GPBP1: variants seen among roughly 807,000 people sequenced by gnomAD.
The protein encoded by GPBP1 is GC-rich promoter binding protein 1.
GPBP1 carries 13 observed loss-of-function variants against 56.5 expected under a neutral mutation model. That is an observed-to-expected ratio of 0.23 (90% CI 0.15 to 0.37). GPBP1 has a LOEUF of 0.37. Among genes scored for constraint, GPBP1 ranks in the 10% least tolerant of loss-of-function variants. The probability of loss-of-function intolerance (pLI) is 1.00; values close to 1 mark genes in which losing one functional copy is unlikely to be tolerated. For synonymous variants in GPBP1, 204 were observed against 188.9 expected, an observed-to-expected ratio of 1.08 and a Z score of -0.66; for missense variants, 477 against 572.3, an observed-to-expected ratio of 0.83 and a Z score of 1.70.
At chr5:57,254,084 C>T (rs1483347186) in intron 10 of GPBP1, among the ~76,000 whole-genome samples, 1 of 152,134 alleles carries the variant, frequency 6.6e-6, no homozygotes, top group Admixed American at 6.5e-5. Context: ...TACCACCATG[C>T]CTGGCTAACT....
chr5:57,189,408 C>A (rs555259898), intron 2 of GPBP1, among the ~76,000 whole-genome samples: 1 of 152,236 alleles, frequency 6.6e-6, no homozygotes, highest in Non-Finnish European at 1.5e-5. Flanking sequence ...CGTGAGCCAC[C>A]ATGCCCAGCC....
At chr5:57,258,535 C>T (rs1310027785) in intron 10 of GPBP1, among the ~76,000 whole-genome samples, 1 of 152,188 alleles carries the variant, frequency 6.6e-6, no homozygotes, top group Admixed American at 6.5e-5. Context: ...AATGGTATTA[C>T]AGTCTCATGG....
intron 11 of GPBP1, among the ~76,000 whole-genome samples, chr5:57,261,768 G>C (rs80019876): frequency 0.027 from 4,101 of 152,240 alleles, 120 homozygotes; most frequent in East Asian, 0.13. Flanking sequence ...TCTTGCACAA[G>C]AGTATTTCAT....
chr5:57,208,103 G>A lies in GPBP1; in HGVS notation c.-57-5971G>A, dbSNP rs1206884411. Among the ~76,000 whole-genome samples the A allele has an allele frequency of 2.0e-5, 3 of 152,112 alleles. No individual in the cohort carries two copies. In the East Asian group the frequency reaches 5.8e-4, roughly 29 times the overall value. On this transcript the variant is annotated intron_variant, in intron 2 of 11. Coordinates refer to ENST00000506184, the MANE Select transcript of GPBP1 (RefSeq NM_022913.4). ...GATCCGTGGGCACAGAACCGGGGATGGAGCCCTCGCGAGGGACCATGCCCT... is the reference window on the plus strand; with the variant it reads ...GATCCGTGGGCACAGAACCGGGGATAGAGCCCTCGCGAGGGACCATGCCCT...
chr5:57,232,218 C>A (rs1756492034), intron 5 of GPBP1, among the ~76,000 whole-genome samples: 1 of 152,076 alleles, frequency 6.6e-6, no homozygotes, highest in African/African-American at 2.4e-5. Context: ...GAACTTCTGG[C>A]CTCAAGCAAT....
At chr5:57,241,139 T>C (rs1157823362) in intron 6 of GPBP1, among the ~76,000 whole-genome samples, 3 of 152,196 alleles carry the variant, frequency 2.0e-5, no homozygotes, top group Admixed American at 2.0e-4. Flanking sequence ...GGCCAAAGAA[T>C]GAAGTAGTTA....
chr5:57,250,848 T>G, intron 9 of GPBP1, 106 bp from the exon 10 acceptor site: 5 of 778,958 alleles, frequency 6.4e-6, no homozygotes, highest in Non-Finnish European at 7.9e-6. Flanking sequence ...CCTGGCCGCA[T>G]TTATGTATTT....
At chr5:57,233,157 T>A (rs777717141) in intron 5 of GPBP1, among the ~76,000 whole-genome samples, 5 of 152,152 alleles carry the variant, frequency 3.3e-5, no homozygotes, top group Non-Finnish European at 7.3e-5. Flanking sequence ...TGGCTTGAAC[T>A]GGGTAGTTGA....
At chr5:57,246,572 G>A in intron 7 of GPBP1, 88 bp downstream of exon 7, 1 of 1,087,650 alleles carries the variant, frequency 9.2e-7, no homozygotes, top group Non-Finnish European at 1.3e-6. Flanking sequence ...TTTAAAGTGT[G>A]TATGGAGGTA....
chr5:57,208,852 A>G (rs1371131662), intron 2 of GPBP1, among the ~76,000 whole-genome samples: 1 of 151,628 alleles, frequency 6.6e-6, no homozygotes, highest in African/African-American at 2.4e-5. Context: ...ATGGGGTTTC[A>G]CCATGTTGGC....
chr5:57,251,540 G>T (rs1209449506), intron 10 of GPBP1, among the ~76,000 whole-genome samples: 1 of 142,348 alleles, frequency 7.0e-6, no homozygotes, highest in African/African-American at 2.6e-5. Flanking sequence ...CTGCTTTTTT[G>T]TTCATCAGTT....
intron 10 of GPBP1, among the ~76,000 whole-genome samples, chr5:57,251,611 A>G (rs187747692): frequency 8.0e-5 from 12 of 149,578 alleles, no homozygotes; most frequent in Admixed American, 1.3e-4. Flanking sequence ...CTCTAGTCCA[A>G]TCTACTTTTT....
At chr5:57,197,666 A>G (rs993805339) in intron 2 of GPBP1, among the ~76,000 whole-genome samples, 4 of 144,200 alleles carry the variant, frequency 2.8e-5, no homozygotes, top group East Asian at 2.1e-4. Context: ...GCCTGCTTCA[A>G]TTTTTTTTGC....
At chr5:57,202,461 G>A (rs1178807748) in intron 2 of GPBP1, among the ~76,000 whole-genome samples, 1 of 151,212 alleles carries the variant, frequency 6.6e-6, no homozygotes, top group African/African-American at 2.4e-5. Context: ...GCTAATTTTT[G>A]TATTTTTAGT....
intron 2 of GPBP1, among the ~76,000 whole-genome samples, chr5:57,182,758 A>G (rs1754113025): frequency 6.6e-6 from 1 of 151,744 alleles, no homozygotes; most frequent in African/African-American, 2.4e-5. Flanking sequence ...GTCACGGCTC[A>G]CTGCCATCTC....
intron 6 of GPBP1, among the ~76,000 whole-genome samples, chr5:57,243,290 C>T (rs1213626509): frequency 6.6e-6 from 1 of 152,134 alleles, no homozygotes; most frequent in Non-Finnish European, 1.5e-5. Context: ...TGGTCTTGAA[C>T]TCCTGACCTC....
At position 57,201,141 on chromosome 5, in the gene GPBP1, A is replaced by G. The variant is rs147224625; in HGVS notation, c.-57-12933A>G. Among the ~76,000 whole-genome samples the G allele has an allele frequency of 5.1e-4, 78 of 152,240 alleles. 1 individual carries two copies. The East Asian group carries it at 0.012, about 23-fold the overall frequency. The stretch of plus-strand genomic sequence containing the variant: ...GCTCGGCCATGAGCCTTGTTTTTTA[A>G]AAAGTTAAATTCTGTATCGTATGAG... On this transcript the variant is annotated intron_variant, in intron 2 of 11. Coordinates refer to ENST00000506184, the MANE Select transcript of GPBP1 (RefSeq NM_022913.4).
chr5:57,210,242 T>G (rs1283817878), intron 2 of GPBP1, among the ~76,000 whole-genome samples: 1 of 152,196 alleles, frequency 6.6e-6, no homozygotes, highest in African/African-American at 2.4e-5. Context: ...TACACTTAGG[T>G]TTTATTTTTT....
At chr5:57,240,404 A>G (rs1447232828) in intron 6 of GPBP1, among the ~76,000 whole-genome samples, 2 of 152,214 alleles carry the variant, frequency 1.3e-5, no homozygotes, top group Non-Finnish European at 2.9e-5. Flanking sequence ...TCTTGACGTC[A>G]CTTGGTATAG....
Sources: gnomAD v4.1 joint callset for allele counts (sites outside exome capture counted in the v4.1 genomes callset) on GRCh38, gnomAD v4.1.1 for gene constraint, MANE v1.5 for transcripts, NCBI Gene and HGNC (gene_info 2026-07-23, HGNC 2026-07-21) for gene names.